The following TACC2 variants were observed in gnomAD, a reference collection of about 807,000 sequenced individuals.
TACC2 encodes transforming acidic coiled-coil containing protein 2.
Under a neutral mutation model 227.3 loss-of-function variants are expected in TACC2, and 137 were observed. The observed-to-expected ratio is 0.60, with a 90% confidence interval of 0.52 to 0.69. TACC2 has a LOEUF of 0.69. Among genes scored for constraint, TACC2 ranks in the 30% least tolerant of loss-of-function variants. The probability of loss-of-function intolerance (pLI) is 0.00; values close to 1 mark genes in which losing one functional copy is unlikely to be tolerated. For missense variants in TACC2, 3,470 were observed against 3,694.4 expected, an observed-to-expected ratio of 0.94 and a Z score of 1.57; for synonymous variants, 1,523 against 1,487.5, an observed-to-expected ratio of 1.02 and a Z score of -0.55.
chr10:122,128,256 C>T (rs1413493725), intron 5 of TACC2, among the ~76,000 whole-genome samples: 12 of 152,134 alleles, frequency 7.9e-5, no homozygotes, highest in Admixed American at 2.6e-4. Context: ...ACTTCACATA[C>T]GGTGGTTACA....
chr10:122,036,216 G>C (rs979609103), intron 2 of TACC2, among the ~76,000 whole-genome samples: 1 of 140,852 alleles, frequency 7.1e-6, no homozygotes, highest in Non-Finnish European at 1.5e-5. Flanking sequence ...TTTTTGAGAC[G>C]GAGTCTCGCT....
rs77946149 is a variant in TACC2, at chr10:122,227,416, G to A, written c.7725-421G>A. 0.011 allele frequency among the ~76,000 whole-genome samples: 1,707 copies of A among 152,280 alleles called. 114 individuals are homozygous for A. The East Asian group carries it at 0.21, about 18-fold the overall frequency. On this transcript the variant is annotated intron_variant, in intron 13 of 22. Coordinates refer to ENST00000369005, the MANE Select transcript of TACC2 (RefSeq NM_206862.4). ...CAGGGTGGTGAGAACAATGATGATG[G>A]TGGTTATGTTGTTAAAACAGTAGTG... is the stretch of plus-strand genomic sequence containing the variant.
At chr10:122,073,968 GAC>G (rs1451606407) in intron 3 of TACC2, among the ~76,000 whole-genome samples, 1 of 151,558 alleles carries the variant, frequency 6.6e-6, no homozygotes, top group East Asian at 2.0e-4. Context: ...GTTTTATAGA[GAC>G]AGGGTTTCAC....
intron 5 of TACC2, among the ~76,000 whole-genome samples, chr10:122,125,254 G>A (rs891317736): frequency 1.6e-4 from 25 of 152,182 alleles, no homozygotes; most frequent in African/African-American, 5.8e-4. Context: ...GGAGTGCAGT[G>A]GCTCAGTCAC....
chr10:122,106,211 C>T (rs1451340761), intron 5 of TACC2, among the ~76,000 whole-genome samples: 1 of 151,966 alleles, frequency 6.6e-6, no homozygotes, highest in Non-Finnish European at 1.5e-5. Flanking sequence ...TGGTCTCCAA[C>T]TCCTGACCTC....
At chr10:122,215,027 C>G (rs186067497) in intron 9 of TACC2, among the ~76,000 whole-genome samples, 118 of 152,202 alleles carry the variant, frequency 7.8e-4, no homozygotes, top group African/African-American at 2.6e-3. Context: ...CCTCCCCTAG[C>G]CTTAGTTGGG....
At chr10:122,193,696 G>A (rs1398376982) in intron 7 of TACC2, among the ~76,000 whole-genome samples, 1 of 152,148 alleles carries the variant, frequency 6.6e-6, no homozygotes, top group African/African-American at 2.4e-5. Flanking sequence ...ATTTCAGTCT[G>A]TTTAACCCTT....
intron 1 of TACC2, among the ~76,000 whole-genome samples, chr10:122,020,698 C>G (rs1165589009): frequency 6.6e-6 from 1 of 152,132 alleles, no homozygotes; most frequent in African/African-American, 2.4e-5. Flanking sequence ...CTTTGGCAAG[C>G]TCCTTACCTT....
At chr10:122,198,012 A>ACAGG (rs1428702692) in intron 8 of TACC2, among the ~76,000 whole-genome samples, 1 of 152,246 alleles carries the variant, frequency 6.6e-6, no homozygotes, top group Admixed American at 6.5e-5. Flanking sequence ...TTTCCTCTGC[A>ACAGG]CAGTGCCCGG....
chr10:122,241,816 C>T (rs1185293716), intron 18 of TACC2, 142 bp from the exon 19 acceptor site: 5 of 747,864 alleles, frequency 6.7e-6, no homozygotes, highest in African/African-American at 1.7e-5. Context: ...GGAAAATGAG[C>T]GTGCAGGGCG....
intron 8 of TACC2, among the ~76,000 whole-genome samples, chr10:122,206,905 C>T (rs1233119966): frequency 6.6e-6 from 1 of 152,162 alleles, no homozygotes; most frequent in Non-Finnish European, 1.5e-5. Context: ...ATGGGAGGCA[C>T]CCCAGGTTAT....
Position 122,058,651 on chromosome 10 carries a change from C to T in TACC2, c.146+8101C>T, listed in dbSNP as rs529061178. Among the ~76,000 whole-genome samples the T allele has an allele frequency of 1.7e-4, 26 of 152,260 alleles. 1 individual carries two copies. The South Asian group carries it at 5.4e-3, about 32-fold the overall frequency. On this transcript the variant is annotated intron_variant, in intron 3 of 22. Coordinates refer to ENST00000369005, the MANE Select transcript of TACC2 (RefSeq NM_206862.4). ...CTCTATCTCTTGACCTTGTGATTCA[C>T]CTGCCTCGGCCTCCCAAAGTGCTGG...
intron 5 of TACC2, among the ~76,000 whole-genome samples, chr10:122,124,815 G>A (rs2086521877): frequency 6.6e-6 from 1 of 152,154 alleles, no homozygotes; most frequent in South Asian, 2.1e-4. Flanking sequence ...TATCACATGT[G>A]CTGTGACGTT....
intron 1 of TACC2, among the ~76,000 whole-genome samples, chr10:122,012,812 G>T (rs1956116503): frequency 8.5e-6 from 1 of 118,130 alleles, no homozygotes; most frequent in Non-Finnish European, 1.8e-5. Context: ...CCTTGAGGGA[G>T]CACCATGTGG....
In TACC2 at chr10:122,195,034, C is replaced by A; in HGVS notation, c.5835-6C>A. The A allele has an allele frequency of 6.2e-7, 1 of 1,608,518 alleles. No individual in the cohort carries two copies. Among genetic ancestry groups the A allele is most frequent in the Non-Finnish European group, 8.5e-7 (1 of 1,176,768 alleles). ...GTCTAACCTGTGCTTCTCCCTCTCT[C>A]ATCAGGAGTTCCGATTCTGAAGAGG... is the stretch of plus-strand genomic sequence containing the variant. On this transcript the variant is annotated splice_polypyrimidine_tract_variant and splice_region_variant and intron_variant, in intron 7 of 22. Transcript: ENST00000369005.
chr10:122,081,380 T>G, intron 3 of TACC2, among the ~76,000 whole-genome samples: 1 of 145,908 alleles, frequency 6.9e-6, no homozygotes, highest in Non-Finnish European at 1.5e-5. Context: ...AAAAAAAAAT[T>G]AGCTGGGCGT....
chr10:122,224,704 G>A (rs1231076039), intron 11 of TACC2, 22 bp from the exon 12 acceptor site: 8 of 1,611,680 alleles, frequency 5.0e-6, no homozygotes, highest in Non-Finnish European at 6.8e-6. Flanking sequence ...TTTTGTGTTT[G>A]TGTTTGTTTT....
chr10:122,142,832 T>C (rs2090820099), intron 6 of TACC2, among the ~76,000 whole-genome samples: 3 of 152,328 alleles, frequency 2.0e-5, no homozygotes, highest in African/African-American at 7.2e-5. Flanking sequence ...TGAAAGCTGT[T>C]CCCAGGCTTT....
chr10:122,028,310 A>C (rs1380310082), intron 2 of TACC2, among the ~76,000 whole-genome samples: 1 of 149,696 alleles, frequency 6.7e-6, no homozygotes, highest in African/African-American at 2.5e-5. Context: ...GGCTGGTCTC[A>C]AACTCCTGAC....
Sources: allele counts gnomAD v4.1 joint callset (sites outside exome capture counted in the v4.1 genomes callset), GRCh38; gene constraint gnomAD v4.1.1; transcripts MANE v1.5; gene names NCBI Gene and HGNC (gene_info 2026-07-23, HGNC 2026-07-21).